Variants in TXNDC9 observed in about 807,000 individuals in gnomAD.
The protein encoded by TXNDC9 is thioredoxin domain containing 9.
Under a neutral mutation model 23.0 loss-of-function variants are expected in TXNDC9, and 7 were observed. The ratio of observed to expected loss-of-function variants is 0.30; its 90% CI spans 0.17 to 0.57. TXNDC9 has a LOEUF of 0.57. Ranked by LOEUF, TXNDC9 falls within the 20% of genes least tolerant of loss-of-function variation. TXNDC9 has a pLI of 0.90. For synonymous variants in TXNDC9, 72 were observed against 90.6 expected (o/e 0.79, Z 1.17); for missense variants, 198 against 252.6 (o/e 0.78, Z 1.47).
rs187417817 is a variant in TXNDC9, at chr2:99,333,014, G to A, written c.189+8C>T. 7 of 1,609,206 alleles carry A rather than the reference G, an allele frequency of 4.3e-6. No homozygotes were observed. The highest frequency in any genetic ancestry group is 4.5e-5 in the East Asian group (2 of 44,860). ...TAGCAATTTCAGAAAGCAGGGCAGA[G>A]AGGTTACTTGTTTCTGCTGTTGAGC... is the stretch of plus-strand genomic sequence containing the variant. On this transcript the variant is annotated splice_region_variant and intron_variant, in intron 2 of 4. Transcript: ENST00000264255.
the TXNDC9 span, among the ~76,000 whole-genome samples, chr2:99,313,639 A>C: frequency 2.0e-5 from 3 of 152,148 alleles, no homozygotes; most frequent in African/African-American, 7.2e-5. Flanking sequence ...TGTCTCTTAA[A>C]AAAAATCTTC....
At chr2:99,320,970 G>A (rs1227589051) in intron 4 of TXNDC9, among the ~76,000 whole-genome samples, 1 of 152,008 alleles carries the variant, frequency 6.6e-6, no homozygotes, top group East Asian at 1.9e-4. Flanking sequence ...TCAAACTCCT[G>A]GCCTCAACTG....
At chr2:99,317,091 T>G (rs189079278), downstream of TXNDC9, among the ~76,000 whole-genome samples, 5 of 152,360 alleles carry the variant, frequency 3.3e-5, no homozygotes, top group East Asian at 9.6e-4. Context: ...TTTGTTGATA[T>G]TCTGTTTGAT....
chr2:99,332,994 A>T, intron 2 of TXNDC9, 28 bp downstream of exon 2: 2 of 1,581,758 alleles, frequency 1.3e-6, no homozygotes, highest in Non-Finnish European at 1.7e-6. Context: ...TGTTATAGCA[A>T]TTTCAGAAAG....
the TXNDC9 span, among the ~76,000 whole-genome samples, chr2:99,309,539 C>A: frequency 6.6e-5 from 10 of 150,898 alleles, no homozygotes; most frequent in East Asian, 2.0e-4. Flanking sequence ...AAAGAAAAAG[C>A]AAAAAACCCA....
chr2:99,313,310 T>C, the TXNDC9 span, among the ~76,000 whole-genome samples: 1 of 152,314 alleles, frequency 6.6e-6, no homozygotes, highest in East Asian at 1.9e-4. Flanking sequence ...CCTCAAGTAA[T>C]CCTCTCACCT....
chr2:99,313,104 T>C, the TXNDC9 span, among the ~76,000 whole-genome samples: 1 of 151,946 alleles, frequency 6.6e-6, no homozygotes, highest in African/African-American at 2.4e-5. Flanking sequence ...GGAGGTTACA[T>C]TGAGCTGAGA....
the TXNDC9 span, among the ~76,000 whole-genome samples, chr2:99,312,059 G>A: frequency 6.6e-6 from 1 of 152,100 alleles, no homozygotes; most frequent in African/African-American, 2.4e-5. Flanking sequence ...CTCAGAGAAG[G>A]GGCAGAAAGT....
downstream of TXNDC9, among the ~76,000 whole-genome samples, chr2:99,318,317 C>T (rs932837397): frequency 1.3e-5 from 2 of 152,160 alleles, no homozygotes; most frequent in African/African-American, 4.8e-5. Context: ...AACATCTTCC[C>T]TCATTCTATT....
intron 3 of TXNDC9, among the ~76,000 whole-genome samples, chr2:99,323,197 A>T (rs1180436014): frequency 6.6e-6 from 1 of 151,934 alleles, no homozygotes; most frequent in Non-Finnish European, 1.5e-5. Flanking sequence ...ACTTGAAGTC[A>T]GTAGTTTGAG....
intron 3 of TXNDC9, chr2:99,322,783 G>A (rs1396260514): frequency 7.8e-7 from 1 of 1,274,458 alleles, no homozygotes; most frequent in African/African-American, 1.5e-5. Flanking sequence ...TTTTTTGGAG[G>A]TGGCGTATTG....
the TXNDC9 span, among the ~76,000 whole-genome samples, chr2:99,312,954 G>C: frequency 6.6e-6 from 1 of 152,138 alleles, no homozygotes; most frequent in Non-Finnish European, 1.5e-5. Flanking sequence ...CCTGAGGTCA[G>C]GAGTTTGAGA....
chr2:99,309,100 T>C, the TXNDC9 span, among the ~76,000 whole-genome samples: 1 of 152,098 alleles, frequency 6.6e-6, no homozygotes, highest in African/African-American at 2.4e-5. Flanking sequence ...AGCTTTAAAA[T>C]AGGCCTGGTG....
downstream of TXNDC9, among the ~76,000 whole-genome samples, chr2:99,314,406 C>A (rs1034812698): frequency 4.0e-5 from 6 of 151,506 alleles, no homozygotes; most frequent in Non-Finnish European, 1.5e-5. Context: ...TCATTATTGT[C>A]TAATCAATAC....
chr2:99,331,075 C>T (rs6709240), intron 2 of TXNDC9, among the ~76,000 whole-genome samples: 59,716 of 152,038 alleles, frequency 0.39, 12,589 homozygotes, highest in East Asian at 0.64. Context: ...CATTATTTAA[C>T]GTATGTTCAT....
chr2:99,322,341 T>C, intron 3 of TXNDC9, 132 bp from the exon 4 acceptor site: 1 of 1,329,836 alleles, frequency 7.5e-7, no homozygotes, highest in Non-Finnish European at 1.0e-6. Context: ...CAACTTAAAC[T>C]TGTGTCAGAT....
At chr2:99,309,051 T>A in the TXNDC9 span, among the ~76,000 whole-genome samples, 3 of 151,936 alleles carry the variant, frequency 2.0e-5, no homozygotes, top group African/African-American at 4.8e-5. Flanking sequence ...ACAAAAATTT[T>A]AAAAAATTAA....
the TXNDC9 span, among the ~76,000 whole-genome samples, chr2:99,310,222 G>A: frequency 3.3e-5 from 5 of 152,250 alleles, no homozygotes; most frequent in Non-Finnish European, 7.3e-5. Flanking sequence ...ATCCATGGCA[G>A]TGCCAGGTAC....
chr2:99,315,235 T>A (rs889317805), downstream of TXNDC9, among the ~76,000 whole-genome samples: 15 of 152,002 alleles, frequency 9.9e-5, no homozygotes, highest in South Asian at 2.1e-4. Context: ...GCTAATTTTT[T>A]TTTTTATTTT....
Sources: gnomAD v4.1 joint callset for allele counts (sites outside exome capture counted in the v4.1 genomes callset) on GRCh38, gnomAD v4.1.1 for gene constraint, MANE v1.5 for transcripts, NCBI Gene and HGNC (gene_info 2026-07-23, HGNC 2026-07-21) for gene names.